DOP1B: variants seen among roughly 807,000 people sequenced by gnomAD.
DOP1B encodes the protein protein DOP1B.
Under a neutral mutation model 233.5 loss-of-function variants are expected in DOP1B, and 174 were observed. The ratio of observed to expected loss-of-function variants is 0.75; its 90% CI spans 0.66 to 0.85. DOP1B has a LOEUF of 0.85. DOP1B is among the 40% of genes least tolerant of loss of function. The pLI is 0.00. For synonymous variants in DOP1B, 1,190 were observed against 1,185.6 expected (o/e 1.00, Z -0.08); for missense variants, 2,652 against 2,846.6 (o/e 0.93, Z 1.56).
chr21:36,245,813 T>C lies in DOP1B; in HGVS notation c.3833T>C (p.Ile1278Thr). ...AGCTCCACCGCGCACCTCAACCTCA[T>C]CTCCAACCTCCTCGCTCGCCACCAG... ...DTSSTAHLNL[I>T]SNLLARHQEA... Residue 1278 changes from isoleucine to threonine, a missense_variant, in exon 19 of 37, where the codon ATC becomes ACC. Transcript: ENST00000691173. The surrounding 1 kb of genome is among the most constrained non-coding windows in gnomAD (Gnocchi z 5.5). 1 of 1,613,318 alleles carries C rather than the reference T, an allele frequency of 6.2e-7. No individual in the cohort carries two copies. The highest frequency in any genetic ancestry group is 1.3e-5 in the African/African-American group (1 of 74,792).
intron 2 of DOP1B, among the ~76,000 whole-genome samples, chr21:36,198,246 G>A (rs1330659817): frequency 1.3e-5 from 2 of 151,810 alleles, no homozygotes; most frequent in Admixed American, 6.6e-5. Context: ...TGGCTAACGC[G>A]GTGAAACCCT....
At position 36,161,815 on chromosome 21, in the gene DOP1B, A is replaced by G. The variant is rs73902177; in HGVS notation, c.-26-2893A>G. ...CCACTAACCTACTTGCCTTCTCTCT[A>G]GATTTGCCTGTGGAGGGCATTTCAT... On this transcript the variant is annotated intron_variant, in intron 1 of 36. Coordinates refer to ENST00000691173, the MANE Select transcript of DOP1B (RefSeq NM_001320714.2). Among the ~76,000 whole-genome samples, 668 of 152,296 alleles carry G rather than the reference A, an allele frequency of 4.4e-3. 5 individuals are homozygous for G. Among genetic ancestry groups the G allele is most frequent in the African/African-American group, 0.015 (628 of 41,552 alleles).
intron 5 of DOP1B, 141 bp downstream of exon 5, chr21:36,209,045 C>A (rs748483213): frequency 1.0e-6 from 1 of 968,270 alleles, no homozygotes; most frequent in Non-Finnish European, 1.4e-6. Context: ...TAACGAACGG[C>A]TGAGCAAGGC....
intron 10 of DOP1B, among the ~76,000 whole-genome samples, chr21:36,220,667 ATT>A (rs201067094): frequency 5.6e-4 from 76 of 134,864 alleles, no homozygotes; most frequent in Non-Finnish European, 6.0e-4. Context: ...TGCCCAGCTA[ATT>A]TTTTTTTTTT....
chr21:36,225,477 C>A, intron 11 of DOP1B, 88 bp from the exon 12 acceptor site: 1 of 1,415,606 alleles, frequency 7.1e-7, no homozygotes, highest in Non-Finnish European at 9.9e-7. Context: ...ACAGTCCACC[C>A]ATCTCGGCCT....
At chr21:36,235,506 T>C (rs1232379290) in intron 15 of DOP1B, among the ~76,000 whole-genome samples, 1 of 151,926 alleles carries the variant, frequency 6.6e-6, no homozygotes, top group Non-Finnish European at 1.5e-5. Context: ...GGCTGCTTGC[T>C]TGAGCTCAGG....
At chr21:36,252,443 G>GT (rs1767159354) in intron 22 of DOP1B, among the ~76,000 whole-genome samples, 1 of 135,630 alleles carries the variant, frequency 7.4e-6, no homozygotes, top group Non-Finnish European at 1.5e-5. Flanking sequence ...AGACAACAGA[G>GT]TGACACTTCA....
chr21:36,262,040 A>C, intron 24 of DOP1B: 8 of 877,730 alleles, frequency 9.1e-6, no homozygotes, highest in Non-Finnish European at 1.1e-5. Context: ...CTTGATTCAC[A>C]CAGTTAACAT....
chr21:36,290,667 G>A (rs974805002), intron 35 of DOP1B, among the ~76,000 whole-genome samples: 12 of 152,154 alleles, frequency 7.9e-5, no homozygotes, highest in Admixed American at 6.6e-4. Flanking sequence ...GCGTATGCCT[G>A]TAATCCCAGC....
intron 26 of DOP1B, among the ~76,000 whole-genome samples, chr21:36,267,877 A>G (rs1441182529): frequency 1.3e-5 from 2 of 152,092 alleles, no homozygotes; most frequent in Non-Finnish European, 2.9e-5. Flanking sequence ...AGGGGGTGTA[A>G]GAACAGGGAG....
chr21:36,227,770 T>C lies in DOP1B; in HGVS notation c.1558T>C (p.Leu520=). ...GCCTCTTGCTGAGGACATGGAGGCCTTAAGTTTACCTGAACTCACGCATGC... is the reference window on the plus strand; with the variant it reads ...GCCTCTTGCTGAGGACATGGAGGCCCTAAGTTTACCTGAACTCACGCATGC... ...VQPLAEDMEA[L]SLPELTHALK... is the part of the protein sequence containing the mutation. Residue 520 remains leucine, a synonymous_variant, in exon 13 of 37, where the codon TTA becomes CTA. Coordinates refer to ENST00000691173, the MANE Select transcript of DOP1B (RefSeq NM_001320714.2). The C allele has an allele frequency of 6.2e-7, 1 of 1,613,732 alleles. No individual in the cohort carries two copies. The highest frequency in any genetic ancestry group is 8.5e-7 in the Non-Finnish European group (1 of 1,179,688).
intron 16 of DOP1B, 100 bp from the exon 17 acceptor site, chr21:36,238,501 T>C: frequency 1.0e-6 from 1 of 967,290 alleles, no homozygotes; most frequent in Non-Finnish European, 1.6e-6. Flanking sequence ...TCAGTTCTGC[T>C]GAAGTCTTTG....
intron 1 of DOP1B, among the ~76,000 whole-genome samples, chr21:36,160,359 A>T (rs1160052624): frequency 1.3e-5 from 2 of 152,070 alleles, no homozygotes; most frequent in African/African-American, 4.8e-5. Flanking sequence ...GCAGAGAGGC[A>T]CGCATATGCA....
chr21:36,175,628 A>G (rs150837891), intron 2 of DOP1B: 16 of 152,098 alleles, frequency 1.1e-4, no homozygotes, highest in African/African-American at 3.1e-4. Context: ...TCCTGTTTCT[A>G]TTGAAAATAT....
At chr21:36,238,177 T>G (rs780150587) in intron 16 of DOP1B, among the ~76,000 whole-genome samples, 6 of 152,148 alleles carry the variant, frequency 3.9e-5, no homozygotes, top group Admixed American at 1.3e-4. Context: ...AAAAAATAAA[T>G]AAATAAAAAT....
chr21:36,213,378 G>A (rs2066522771), intron 7 of DOP1B, among the ~76,000 whole-genome samples: 1 of 152,078 alleles, frequency 6.6e-6, no homozygotes, highest in Non-Finnish European at 1.5e-5. Context: ...CATACCATGA[G>A]GATGCACTTT....
At chr21:36,217,368 T>C (rs2066572089) in intron 9 of DOP1B, among the ~76,000 whole-genome samples, 1 of 152,212 alleles carries the variant, frequency 6.6e-6, no homozygotes, top group Non-Finnish European at 1.5e-5. Flanking sequence ...TATATCTGTC[T>C]GCACACACAC....
intron 15 of DOP1B, among the ~76,000 whole-genome samples, 192 bp from the exon 16 acceptor site, chr21:36,237,070 G>A (rs957765612): frequency 2.0e-5 from 3 of 152,158 alleles, no homozygotes; most frequent in Non-Finnish European, 4.4e-5. Context: ...ACAGGCATGA[G>A]CCACCGCTCC....
At chr21:36,191,159 A>G (rs537965977) in intron 2 of DOP1B, among the ~76,000 whole-genome samples, 318 of 152,132 alleles carry the variant, frequency 2.1e-3, no homozygotes, top group African/African-American at 7.1e-3. Flanking sequence ...TGTCAGCGAC[A>G]TTGCCAAATG....
Sources: gnomAD v4.1 joint callset for allele counts (sites outside exome capture counted in the v4.1 genomes callset) on GRCh38, gnomAD v4.1.1 for gene constraint, Gnocchi (gnomAD v3.1) non-coding constraint, MANE v1.5 for transcripts, NCBI Gene and HGNC (gene_info 2026-07-23, HGNC 2026-07-21) for gene names.